XYLB: variants seen among roughly 807,000 people sequenced by gnomAD.
The protein encoded by XYLB is xylulose kinase.
XYLB carries 62 observed loss-of-function variants against 78.7 expected under a neutral mutation model. The observed-to-expected ratio is 0.79, with a 90% CI of 0.64 to 0.97. The LOEUF is 0.97. XYLB is among the 50% of genes least tolerant of loss of function. The pLI, the probability that XYLB is intolerant of heterozygous loss-of-function variation, is 0.00. For synonymous variants in XYLB, 245 were observed against 247.4 expected, an observed-to-expected ratio of 0.99 and a Z score of 0.09; for missense variants, 687 against 676.8, an observed-to-expected ratio of 1.02 and a Z score of -0.17.
intron 2 of XYLB, among the ~76,000 whole-genome samples, chr3:38,353,233 G>A (rs1559570377): frequency 6.6e-6 from 1 of 152,194 alleles, no homozygotes; most frequent in East Asian, 1.9e-4. Context: ...CAGGTACGTA[G>A]TATGACATTT....
intron 18 of XYLB, among the ~76,000 whole-genome samples, chr3:38,405,975 G>A (rs367886201): frequency 6.6e-6 from 1 of 152,242 alleles, no homozygotes; most frequent in Non-Finnish European, 1.5e-5. Flanking sequence ...CAAACAAAAA[G>A]ACAGCAGTAA....
chr3:38,359,252 A>G (rs181684777), intron 2 of XYLB, among the ~76,000 whole-genome samples: 1 of 152,384 alleles, frequency 6.6e-6, no homozygotes, highest in Non-Finnish European at 1.5e-5. Context: ...TCCGTAAGGC[A>G]CAGATCGCTT....
At chr3:38,425,180 CTTTG>C (rs776593268), downstream of XYLB, among the ~76,000 whole-genome samples, 38 of 152,324 alleles carry the variant, frequency 2.5e-4, no homozygotes, top group East Asian at 3.9e-4. Context: ...CATTTTCTCA[CTTTG>C]TTTGGGCTAC....
At chr3:38,416,771 T>C (rs1205411021), downstream of XYLB, among the ~76,000 whole-genome samples, 1 of 152,200 alleles carries the variant, frequency 6.6e-6, no homozygotes. Context: ...ACAAGGAGGA[T>C]ATACTATTTA....
intron 3 of XYLB, among the ~76,000 whole-genome samples, chr3:38,362,688 T>G (rs1173425185): frequency 6.6e-6 from 1 of 152,172 alleles, no homozygotes; most frequent in Non-Finnish European, 1.5e-5. Context: ...AGAAGTAAAA[T>G]TTGAGGATTG....
the XYLB span, among the ~76,000 whole-genome samples, chr3:38,447,217 T>TGAC: frequency 1.3e-5 from 2 of 151,954 alleles, no homozygotes; most frequent in Non-Finnish European, 2.9e-5. Flanking sequence ...AAAGCCACCA[T>TGAC]ATAATTATCT....
rs554546849 is a variant in XYLB at position 38,368,156 on chromosome 3, G to T, written c.574-29G>T. On this transcript the variant is annotated intron_variant, in intron 7 of 18. Transcript: ENST00000207870. ...GTAGCGTAGGGTATGTGGAAGTGAG[G>T]CACCTCTCACTGTTTCTTTCCTTTA... 7.5e-6 allele frequency: 12 copies of T among 1,594,758 alleles called. No homozygotes were observed. The Admixed American group carries it at 8.3e-5, about 11-fold the overall frequency.
At chr3:38,423,890 G>A (rs146940640), downstream of XYLB, among the ~76,000 whole-genome samples, 1 of 152,150 alleles carries the variant, frequency 6.6e-6, no homozygotes, top group Non-Finnish European at 1.5e-5. Flanking sequence ...GGGGACCTTA[G>A]TAAATGACAC....
chr3:38,384,896 A>G (rs1262642141), intron 15 of XYLB, among the ~76,000 whole-genome samples: 1 of 152,238 alleles, frequency 6.6e-6, no homozygotes, highest in Non-Finnish European at 1.5e-5. Context: ...AACAGTATGT[A>G]CAGGTCTACC....
chr3:38,366,938 A>G, intron 7 of XYLB, 65 bp downstream of exon 7: 1 of 1,115,830 alleles, frequency 9.0e-7, no homozygotes, highest in South Asian at 1.3e-5. Context: ...ATGTTAGAAT[A>G]GATACATCTT....
chr3:38,438,387 C>G, the XYLB span, among the ~76,000 whole-genome samples: 1 of 152,190 alleles, frequency 6.6e-6, no homozygotes, highest in Non-Finnish European at 1.5e-5. Flanking sequence ...ACATCCCATG[C>G]TCTTGAAACA....
chr3:38,395,370 C>T (rs1302210170), intron 15 of XYLB, 135 bp from the exon 16 acceptor site: 1 of 774,964 alleles, frequency 1.3e-6, no homozygotes, highest in Non-Finnish European at 2.2e-6. Flanking sequence ...TTGGATCTCT[C>T]CCGTAGTCCT....
In XYLB at chr3:38,414,293, A is replaced by G. The variant is rs1407448710; in HGVS notation, c.*1280A>G. ...ACCAAAGGCATCACTTCTGATGGAG[A>G]TGAAGCCATCTTGAAAGTGAGTGGT... On this transcript the variant is annotated 3_prime_UTR_variant, in exon 19 of 19. Transcript: ENST00000207870. 6.6e-6 allele frequency: 1 copy of G among 152,232 alleles called. No homozygotes were observed. The highest frequency in any genetic ancestry group is 2.4e-5 in the African/African-American group (1 of 41,456). 9.4% of individuals were successfully genotyped at this position (152,232 alleles called of 1,614,324 possible). A position where few individuals can be genotyped will look rare whatever the true frequency, so the allele number is the denominator to read the frequency against.
intron 9 of XYLB, 143 bp downstream of exon 9, chr3:38,370,317 G>T: frequency 1.6e-6 from 1 of 640,372 alleles, no homozygotes. Flanking sequence ...ACACATGCAG[G>T]GTCTTCAGTT....
intron 2 of XYLB, among the ~76,000 whole-genome samples, chr3:38,351,184 A>AAAAAAAAAAAAAAAAAAAAAAAAAAAAAC (rs1705344222): frequency 6.8e-6 from 1 of 147,832 alleles, no homozygotes. Context: ...AAAAAAAAAA[A>AAAAAAAAAAAAAAAAAAAAAAAAAAAAAC]AAAAAAAAAA....
intron 15 of XYLB, among the ~76,000 whole-genome samples, chr3:38,383,555 G>A (rs1707247034): frequency 1.3e-5 from 2 of 152,190 alleles, no homozygotes; most frequent in Admixed American, 1.3e-4. Context: ...GGAGGCGGGA[G>A]GATCACTTGA....
At position 38,347,768 on chromosome 3, in the gene XYLB, G is replaced by C. The variant is rs1023826414; in HGVS notation, c.58-782G>C. ...GTTGACACCAGCTTGCCTGGTCTGT[G>C]CACCCAGGACTGCTGGCCAGAGGAG... On this transcript the variant is annotated intron_variant, in intron 1 of 18. Coordinates refer to ENST00000207870, the MANE Select transcript of XYLB (RefSeq NM_005108.4). 3.3e-5 allele frequency among the ~76,000 whole-genome samples: 5 copies of C among 152,366 alleles called. No homozygotes were observed. The East Asian group carries it at 7.7e-4, about 23-fold the overall frequency.
chr3:38,379,125 G>A (rs1035484590), intron 14 of XYLB, 121 bp from the exon 15 acceptor site: 3 of 939,620 alleles, frequency 3.2e-6, no homozygotes, highest in Middle Eastern at 2.1e-4. Context: ...TGGTTAAAGA[G>A]CCCAGCTATG....
intron 2 of XYLB, among the ~76,000 whole-genome samples, chr3:38,358,007 T>C (rs1705755992): frequency 6.6e-6 from 1 of 151,876 alleles, no homozygotes; most frequent in Non-Finnish European, 1.5e-5. Context: ...ACTTTCTTGA[T>C]GATCCTTTGA....
Sources: gnomAD v4.1 joint callset for allele counts (sites outside exome capture counted in the v4.1 genomes callset) on GRCh38, gnomAD v4.1.1 for gene constraint, MANE v1.5 for transcripts, NCBI Gene and HGNC (gene_info 2026-07-23, HGNC 2026-07-21) for gene names.